CPA6: variants seen among roughly 807,000 people sequenced by gnomAD.
CPA6 encodes the protein carboxypeptidase B.
A neutral mutation model predicts 63.3 loss-of-function variants in CPA6; 58 were observed. That is an observed-to-expected ratio of 0.92 (90% confidence interval 0.74 to 1.14). The LOEUF is 1.14. Among genes scored for constraint, CPA6 ranks in the 50% most tolerant of loss-of-function variants. The probability of loss-of-function intolerance (pLI) is 0.00; values close to 1 mark genes in which losing one functional copy is unlikely to be tolerated. For synonymous variants in CPA6, 185 were observed against 179.0 expected (o/e 1.03, Z -0.27); for missense variants, 565 against 526.6 (o/e 1.07, Z -0.71).
chr8:67,531,915 A>G (rs1436939127), intron 2 of CPA6, among the ~76,000 whole-genome samples: 1 of 152,226 alleles, frequency 6.6e-6, no homozygotes, highest in Non-Finnish European at 1.5e-5. Context: ...ATCTATATTT[A>G]GAAATTAAAA....
intron 1 of CPA6, among the ~76,000 whole-genome samples, chr8:67,744,161 A>C (rs1817964328): frequency 6.6e-6 from 1 of 152,226 alleles, no homozygotes; most frequent in South Asian, 2.1e-4. Context: ...CCCATTTTTA[A>C]CAGTGAATAT....
At chr8:67,532,180 T>C (rs1812491179) in intron 2 of CPA6, among the ~76,000 whole-genome samples, 1 of 151,662 alleles carries the variant, frequency 6.6e-6, no homozygotes, top group African/African-American at 2.4e-5. Context: ...AAATAGAAAA[T>C]AAAAGTGTTA....
chr8:67,661,387 G>A (rs1816105172), intron 1 of CPA6, among the ~76,000 whole-genome samples: 1 of 152,176 alleles, frequency 6.6e-6, no homozygotes, highest in African/African-American at 2.4e-5. Flanking sequence ...CCTGTTGCAA[G>A]GACTGTGGCT....
intron 2 of CPA6, among the ~76,000 whole-genome samples, chr8:67,565,546 C>A (rs1472036854): frequency 2.0e-5 from 3 of 152,148 alleles, no homozygotes; most frequent in Non-Finnish European, 4.4e-5. Flanking sequence ...TCACTACAGA[C>A]ACAGAACAAC....
intron 1 of CPA6, among the ~76,000 whole-genome samples, chr8:67,681,572 AT>A (rs202241189): frequency 1.3e-5 from 2 of 149,612 alleles, no homozygotes; most frequent in Non-Finnish European, 3.0e-5. Context: ...AATCCATTTT[AT>A]TTTTTTTTCA....
At chr8:67,664,652 TG>T (rs2128993387) in intron 1 of CPA6, among the ~76,000 whole-genome samples, 1 of 152,214 alleles carries the variant, frequency 6.6e-6, no homozygotes, top group South Asian at 2.1e-4. Context: ...AAGGCTCATG[TG>T]GGCTCTAGAA....
intron 2 of CPA6, 73 bp from the exon 3 acceptor site, chr8:67,518,120 C>T (rs918130187): frequency 1.2e-5 from 17 of 1,394,248 alleles, no homozygotes; most frequent in Non-Finnish European, 1.3e-5. Flanking sequence ...ATGTCAAACA[C>T]ATTCTTTTGT....
intron 1 of CPA6, among the ~76,000 whole-genome samples, chr8:67,654,303 G>A (rs1255514404): frequency 2.0e-5 from 3 of 152,076 alleles, no homozygotes; most frequent in Non-Finnish European, 4.4e-5. Flanking sequence ...TGATTGGAAT[G>A]GTTTCAGAAG....
At chr8:67,442,349 T>C (rs569338673) in intron 8 of CPA6, among the ~76,000 whole-genome samples, 3 of 151,628 alleles carry the variant, frequency 2.0e-5, no homozygotes, top group Admixed American at 6.6e-5. Flanking sequence ...TAATATAATA[T>C]AATATAATGT....
chr8:67,455,134 T>C (rs1810642300), intron 8 of CPA6, among the ~76,000 whole-genome samples: 1 of 152,142 alleles, frequency 6.6e-6, no homozygotes, highest in Admixed American at 6.5e-5. Flanking sequence ...CTGGATGATA[T>C]AATAAGATGT....
At chr8:67,711,971 G>A (rs1817272727) in intron 1 of CPA6, among the ~76,000 whole-genome samples, 1 of 152,070 alleles carries the variant, frequency 6.6e-6, no homozygotes, top group African/African-American at 2.4e-5. Context: ...GCACTGGGAC[G>A]GATCCCAGAT....
intron 1 of CPA6, among the ~76,000 whole-genome samples, chr8:67,692,417 G>A (rs778983431): frequency 6.6e-6 from 1 of 151,038 alleles, no homozygotes; most frequent in Non-Finnish European, 1.5e-5. Flanking sequence ...TGTGAACTAT[G>A]TGCTGGCAGC....
intron 8 of CPA6, among the ~76,000 whole-genome samples, chr8:67,447,811 G>T (rs1463810078): frequency 6.6e-6 from 1 of 151,910 alleles, no homozygotes; most frequent in Non-Finnish European, 1.5e-5. Flanking sequence ...TTGAGACAGA[G>T]TCTTGCTCTG....
intron 5 of CPA6, among the ~76,000 whole-genome samples, 157 bp downstream of exon 5, chr8:67,509,360 T>A (rs550156678): frequency 6.6e-6 from 1 of 152,326 alleles, no homozygotes; most frequent in South Asian, 2.1e-4. Flanking sequence ...GAAATATGGT[T>A]CAGAAACCTA....
intron 2 of CPA6, among the ~76,000 whole-genome samples, chr8:67,588,441 A>G (rs374265694): frequency 4.6e-5 from 7 of 152,036 alleles, no homozygotes; most frequent in African/African-American, 1.4e-4. Flanking sequence ...TTGCATTTTG[A>G]TTATTTTTGG....
chr8:67,480,231 C>T (rs916012513), intron 8 of CPA6, among the ~76,000 whole-genome samples: 1 of 152,004 alleles, frequency 6.6e-6, no homozygotes, highest in Non-Finnish European at 1.5e-5. Context: ...ATGAAATTCA[C>T]CCTTTTAAAA....
intron 2 of CPA6, among the ~76,000 whole-genome samples, chr8:67,589,134 T>C (rs975386859): frequency 6.6e-6 from 1 of 151,204 alleles, no homozygotes; most frequent in Non-Finnish European, 1.5e-5. Context: ...AAAAGATTGA[T>C]GTTGAGATGC....
At chr8:67,423,117 C>T (rs1383503726) in intron 10 of CPA6, among the ~76,000 whole-genome samples, 1 of 151,972 alleles carries the variant, frequency 6.6e-6, no homozygotes, top group Non-Finnish European at 1.5e-5. Context: ...CGGAGTCTCA[C>T]TCTGTCACCC....
intron 8 of CPA6, among the ~76,000 whole-genome samples, chr8:67,466,715 C>A (rs1032170880): frequency 6.6e-6 from 1 of 151,978 alleles, no homozygotes; most frequent in Non-Finnish European, 1.5e-5. Context: ...TTGTTGTTTA[C>A]CCAAAAATCA....
Sources: allele counts gnomAD v4.1 joint callset (sites outside exome capture counted in the v4.1 genomes callset), GRCh38; gene constraint gnomAD v4.1.1; transcripts MANE v1.5; gene names NCBI Gene and HGNC (gene_info 2026-07-23, HGNC 2026-07-21).